Variants in ENGASE observed in about 807,000 individuals in gnomAD.
ENGASE encodes the protein endo-beta-N-acetylglucosaminidase.
In ENGASE, 69 loss-of-function variants were observed where a neutral mutation model predicts 78.5. The observed-to-expected ratio is 0.88, with a 90% CI of 0.72 to 1.07. The LOEUF (loss-of-function observed/expected upper bound fraction) is 1.07, where lower values mean the gene tolerates loss of function less well. Ranked by LOEUF, ENGASE falls within the 50% of genes least tolerant of loss-of-function variation. The pLI, the probability that ENGASE is intolerant of heterozygous loss-of-function variation, is 0.00. For missense variants in ENGASE, 943 were observed against 988.4 expected, an observed-to-expected ratio of 0.95 and a Z score of 0.62; for synonymous variants, 408 against 408.9, an observed-to-expected ratio of 1.00 and a Z score of 0.03.
intron 4 of ENGASE, 129 bp from the exon 5 acceptor site, chr17:79,080,078 G>C: frequency 1.1e-6 from 1 of 936,246 alleles, no homozygotes; most frequent in Non-Finnish European, 1.6e-6. Context: ...CGGGATATAT[G>C]GGGATTTGAA....
rs1030756608 is a variant in ENGASE, at chr17:79,074,944, C to A, written c.-1C>A. 2 of 1,262,486 alleles carry A rather than the reference C, an allele frequency of 1.6e-6. No individual in the cohort carries two copies. Among genetic ancestry groups the A allele is most frequent in the Non-Finnish European group, 2.0e-6 (2 of 1,004,046 alleles). 78.2% of individuals were successfully genotyped at this position (1,262,486 alleles called of 1,614,324 possible). A position where few individuals can be genotyped will look rare whatever the true frequency, so the allele number is the denominator to read the frequency against. On this transcript the variant is annotated 5_prime_UTR_variant, in exon 1 of 14. Coordinates refer to ENST00000579016, the MANE Select transcript of ENGASE (RefSeq NM_001042573.3). ...GCCTCTCGGCGTGCGCGGACAGTGT[C>A]ATGGAGGCCGCGGCGGTGACGGTCA...
chr17:79,079,761 G>A (rs1193238462), intron 4 of ENGASE, 124 bp downstream of exon 4: 21 of 1,273,954 alleles, frequency 1.6e-5, no homozygotes, highest in Admixed American at 5.0e-5. Context: ...GCTGGGGGCC[G>A]CCTTGGTCGG....
chr17:79,078,932 GTAGCAGTGCTCGGTCCAT>G (rs1311771329), intron 3 of ENGASE, among the ~76,000 whole-genome samples: 2 of 152,172 alleles, frequency 1.3e-5, no homozygotes, highest in Non-Finnish European at 2.9e-5. Context: ...CTCACAGGGG[GTAGCAGTGCTCGGTCCAT>G]TAGATGCAAT....
At chr17:79,075,785 C>A (rs1044796430) in intron 1 of ENGASE, 1 of 985,284 alleles carries the variant, frequency 1.0e-6, no homozygotes, top group Non-Finnish European at 1.2e-6. Flanking sequence ...GCATTTCAGA[C>A]CTCATGAAGA....
rs1323552253 is a variant in ENGASE, at chr17:79,086,318, G to A, written c.2201G>A (p.Arg734Lys). The part of the protein sequence containing the change: ...GFRVPQAEWG[R>K]AVLLYSAPA The stretch of plus-strand genomic sequence containing the variant: ...CGGGTACCTCAGGCCGAGTGGGGCA[G>A]GGCAGTTCTGCTTTATTCAGCCCCT... Residue 734 changes from arginine to lysine, a missense_variant, in exon 14 of 14, where the codon AGG (arginine) becomes AAG (lysine). Coordinates refer to ENST00000579016, the MANE Select transcript of ENGASE (RefSeq NM_001042573.3). 6.2e-7 allele frequency: 1 copy of A among 1,613,382 alleles called. No homozygotes were observed. The highest frequency in any genetic ancestry group is 1.7e-5 in the Admixed American group (1 of 60,032).
At chr17:79,080,091 T>A in intron 4 of ENGASE, 116 bp from the exon 5 acceptor site, 1 of 1,081,574 alleles carries the variant, frequency 9.2e-7, no homozygotes, top group East Asian at 2.5e-5. Flanking sequence ...GATTTGAATG[T>A]CTACCAAGTG....
chr17:79,085,768 G>A (rs2073279693), intron 13 of ENGASE, 34 bp downstream of exon 13: 1 of 1,608,116 alleles, frequency 6.2e-7, no homozygotes, highest in Non-Finnish European at 8.5e-7. Flanking sequence ...GGCTGGGCTG[G>A]CTGTTTGTCC....
At chr17:79,085,199 T>G (rs753137768) in intron 11 of ENGASE, 35 bp from the exon 12 acceptor site, 18 of 1,545,204 alleles carry the variant, frequency 1.2e-5, no homozygotes, top group African/African-American at 1.4e-5. Flanking sequence ...TCCTTTGAGA[T>G]TCTCCTTTTT....
In ENGASE at chr17:79,082,080, G is replaced by A. The variant is rs2073157758; in HGVS notation, c.1038+17G>A. 8 of 1,614,024 alleles carry A rather than the reference G, an allele frequency of 5.0e-6. No individual in the cohort carries two copies. The highest frequency in any genetic ancestry group is 1.6e-4 in the Middle Eastern group (1 of 6,084). ...ACAGACAAGGTGGGTGGTGGCTTTC[G>A]TCCAAGGGCCAGCGGCCCAGTGCCT... On this transcript the variant is annotated intron_variant, in intron 7 of 13. Coordinates refer to ENST00000579016, the MANE Select transcript of ENGASE (RefSeq NM_001042573.3).
chr17:79,080,493 C>T (rs367792547), intron 5 of ENGASE, 129 bp downstream of exon 5: 25 of 1,069,392 alleles, frequency 2.3e-5, no homozygotes, highest in Non-Finnish European at 2.8e-5. Context: ...AGCCACTTCT[C>T]GCCTCCCAGG....
rs1485500377 is a variant in ENGASE, at chr17:79,086,012, C to T, written c.1895C>T (p.Ser632Phe). The T allele has an allele frequency of 1.2e-6, 2 of 1,611,986 alleles. No homozygotes were observed. Among genetic ancestry groups the T allele is most frequent in the African/African-American group, 1.3e-5 (1 of 74,952 alleles). ...ATCTCTCACATCCGCTGGCAGCCAT[C>T]CGCCTCTGAGCGGGAGGGGCCCCCT... ...VTISHIRWQP[S>F]ASEREGPPAL... The change falls in exon 14 of 14, where the codon TCC becomes TTC. Residue 632 changes from serine (S) to phenylalanine (F), a missense_variant. By Grantham distance (155) the Ser-to-Phe change is radical. Transcript: ENST00000579016.
At position 79,088,481 on chromosome 17, in the gene ENGASE, G is replaced by A. The variant is rs538837639; in HGVS notation, c.*2132G>A. ...GCGTGTGGCAGAATCGCACCGCCCC[G>A]GCTCCCCAGCCCACCGCCATGCAGG... On this transcript the variant is annotated 3_prime_UTR_variant, in exon 14 of 14. Transcript: ENST00000579016. The A allele has an allele frequency of 1.3e-5, 2 of 152,220 alleles. No individual in the cohort carries two copies. The highest frequency in any genetic ancestry group is 2.4e-5 in the African/African-American group (1 of 41,450). The allele number at this position is 152,220 out of a possible 1,614,324, so 9.4% of individuals were successfully genotyped here.
At chr17:79,075,138 C>T in intron 1 of ENGASE, 48 bp downstream of exon 1, 2 of 1,200,068 alleles carry the variant, frequency 1.7e-6, no homozygotes, top group Non-Finnish European at 1.0e-6. Context: ...GGCTGAGAGT[C>T]CGTGGCCCCG....
In ENGASE at chr17:79,086,990, G is replaced by A. The variant is rs531218254; in HGVS notation, c.*641G>A. 2.0e-5 allele frequency: 10 copies of A among 506,518 alleles called. No homozygotes were observed. Among genetic ancestry groups the A allele is most frequent in the Middle Eastern group, 3.2e-4 (1 of 3,116 alleles). 31.4% of individuals were successfully genotyped at this position (506,518 alleles called of 1,614,324 possible). On this transcript the variant is annotated 3_prime_UTR_variant, in exon 14 of 14. Transcript: ENST00000579016. ...CCCCAGCTGCTCCGTGTTTCCTGGCGTTGGCAATTTACTGTGCTGCTGAGT... is the reference window on the plus strand; with the variant it reads ...CCCCAGCTGCTCCGTGTTTCCTGGCATTGGCAATTTACTGTGCTGCTGAGT...
At chr17:79,076,164 A>C (rs554762835) in intron 1 of ENGASE, among the ~76,000 whole-genome samples, 1 of 152,366 alleles carries the variant, frequency 6.6e-6, no homozygotes, top group African/African-American at 2.4e-5. Context: ...ATGACAACTC[A>C]GTGAACAAAG....
chr17:79,080,124 G>A, intron 4 of ENGASE, 83 bp from the exon 5 acceptor site: 1 of 1,474,370 alleles, frequency 6.8e-7, no homozygotes, highest in Non-Finnish European at 9.1e-7. Context: ...TGAAGCTGCT[G>A]GTTCGAGAAC....
chr17:79,076,229 T>C (rs1297057292), intron 1 of ENGASE, among the ~76,000 whole-genome samples: 2 of 152,204 alleles, frequency 1.3e-5, no homozygotes, highest in East Asian at 3.8e-4. Flanking sequence ...TGCCATGGCC[T>C]CTAAATAGCC....
rs760705556 is a variant in ENGASE at position 79,085,917 on chromosome 17, C to G, written c.1816-16C>G. On this transcript the variant is annotated splice_polypyrimidine_tract_variant and intron_variant, in intron 13 of 13. Transcript: ENST00000579016. ...CCCCCGGGCGTCCAGCCGTGCTGAG[C>G]CTTCTCTCCTGCCAGGTGGTGGACG... 1 of 1,587,316 alleles carries G rather than the reference C, an allele frequency of 6.3e-7. No homozygotes were observed. The highest frequency in any genetic ancestry group is 1.7e-5 in the Admixed American group (1 of 59,200).
intron 12 of ENGASE, 129 bp from the exon 13 acceptor site, chr17:79,085,491 G>C: frequency 7.1e-7 from 1 of 1,404,980 alleles, no homozygotes; most frequent in Non-Finnish European, 9.7e-7. Context: ...TGGGAGCCCT[G>C]CTGTCGGCCT....
Sources: allele counts gnomAD v4.1 joint callset (sites outside exome capture counted in the v4.1 genomes callset), GRCh38; gene constraint gnomAD v4.1.1; transcripts MANE v1.5; gene names NCBI Gene and HGNC (gene_info 2026-07-23, HGNC 2026-07-21).